The following CNTNAP2 variants were observed in gnomAD, a reference collection of about 807,000 sequenced individuals.
The protein encoded by CNTNAP2 is contactin associated protein 2.
Under a neutral mutation model 155.2 loss-of-function variants are expected in CNTNAP2, and 98 were observed. The observed-to-expected ratio is 0.63, with a 90% CI of 0.54 to 0.75. CNTNAP2 has a LOEUF of 0.75. CNTNAP2 is among the 30% of genes least tolerant of loss of function. The pLI, the probability that CNTNAP2 is intolerant of heterozygous loss-of-function variation, is 0.00. For missense variants in CNTNAP2, 1,727 were observed against 1,688.1 expected, an observed-to-expected ratio of 1.02 and a Z score of -0.40; for synonymous variants, 651 against 631.2, an observed-to-expected ratio of 1.03 and a Z score of -0.47.
rs770913567 is a variant in CNTNAP2 at position 148,346,500 on chromosome 7, G to A, written c.3476-37149G>A. ...TGAAAGTAATGCTTAGGCCGGGTGC[G>A]GTGGCTCATGCCTTTAATCCCAGCA... On this transcript the variant is annotated intron_variant, in intron 21 of 23. Coordinates refer to ENST00000361727, the MANE Select transcript of CNTNAP2 (RefSeq NM_014141.6). Among the ~76,000 whole-genome samples, 7 of 152,272 alleles carry A rather than the reference G, an allele frequency of 4.6e-5. No individual in the cohort carries two copies. The South Asian group carries it at 1.0e-3, about 23-fold the overall frequency.
chr7:147,139,559 C>T (rs191722332), intron 8 of CNTNAP2, among the ~76,000 whole-genome samples: 12 of 152,102 alleles, frequency 7.9e-5, no homozygotes, highest in Non-Finnish European at 1.3e-4. Context: ...TTAACTTGAC[C>T]AGGAAATTCA....
At chr7:147,990,480 T>C (rs1210596732) in intron 15 of CNTNAP2, among the ~76,000 whole-genome samples, 1 of 151,952 alleles carries the variant, frequency 6.6e-6, no homozygotes, top group Non-Finnish European at 1.5e-5. Flanking sequence ...TTGAAATGTC[T>C]CTGGTTGGAG....
chr7:146,331,581 A>G (rs1280213041), intron 1 of CNTNAP2, among the ~76,000 whole-genome samples: 2 of 151,774 alleles, frequency 1.3e-5, no homozygotes, highest in African/African-American at 4.8e-5. Context: ...TTGTTGTGGG[A>G]TGGTGGGTTC....
At chr7:147,162,865 C>CA (rs1316661352) in intron 8 of CNTNAP2, among the ~76,000 whole-genome samples, 1 of 152,210 alleles carries the variant, frequency 6.6e-6, no homozygotes, top group African/African-American at 2.4e-5. Context: ...TACACATGCA[C>CA]AGTGACTTCT....
chr7:147,828,240 G>T (rs970319097), intron 13 of CNTNAP2, among the ~76,000 whole-genome samples: 2 of 152,182 alleles, frequency 1.3e-5, no homozygotes, highest in Non-Finnish European at 1.5e-5. Flanking sequence ...CAGAACCAGG[G>T]CATTGAAGCC....
At chr7:146,261,351 A>G (rs138443991) in intron 1 of CNTNAP2, among the ~76,000 whole-genome samples, 1 of 151,936 alleles carries the variant, frequency 6.6e-6, no homozygotes, top group Non-Finnish European at 1.5e-5. Flanking sequence ...CAATTTTTCT[A>G]TGTGTAACTC....
intron 4 of CNTNAP2, among the ~76,000 whole-genome samples, chr7:147,097,068 C>G (rs1422727129): frequency 1.3e-5 from 2 of 152,116 alleles, no homozygotes; most frequent in African/African-American, 4.8e-5. Flanking sequence ...ATATGCATAA[C>G]CTCAAAAGAT....
intron 8 of CNTNAP2, among the ~76,000 whole-genome samples, chr7:147,182,131 A>G (rs1354273951): frequency 1.5e-4 from 23 of 150,732 alleles, no homozygotes; most frequent in African/African-American, 5.6e-4. Flanking sequence ...ATCTCAAAAA[A>G]AAAAAAAAAA....
At chr7:148,102,377 A>G (rs117243260) in intron 15 of CNTNAP2, among the ~76,000 whole-genome samples, 1 of 152,144 alleles carries the variant, frequency 6.6e-6, no homozygotes, top group Admixed American at 6.6e-5. Context: ...TCTGCTACTG[A>G]TGGACATTTA....
intron 10 of CNTNAP2, among the ~76,000 whole-genome samples, chr7:147,419,466 G>A (rs144586970): frequency 6.6e-6 from 1 of 152,092 alleles, no homozygotes; most frequent in East Asian, 1.9e-4. Context: ...AAAAAAATGA[G>A]CTCTATGTTC....
intron 10 of CNTNAP2, among the ~76,000 whole-genome samples, chr7:147,465,627 C>T (rs1798107726): frequency 6.6e-6 from 1 of 152,184 alleles, no homozygotes; most frequent in Non-Finnish European, 1.5e-5. Context: ...TTTCAGCAGA[C>T]GCTAATTCTT....
rs142984073 is a variant in CNTNAP2, at chr7:147,108,277, C to T, written c.681C>T (p.His227=). 3,382 of 1,613,666 alleles carry T rather than the reference C, an allele frequency of 2.1e-3. 10 individuals are homozygous for T. The highest frequency in any genetic ancestry group is 4.0e-3 in the Admixed American group (241 of 59,962). The part of the protein sequence containing the change: ...KTSESEGVIL[H]GEGQQGDYIT... ...CTGAAAGTGAAGGAGTAATCCTGCACGGAGAAGGACAGCAAGGAGATTACA... is the reference window on the plus strand; with the variant it reads ...CTGAAAGTGAAGGAGTAATCCTGCATGGAGAAGGACAGCAAGGAGATTACA... The change falls in exon 5 of 24, where the codon CAC becomes CAT. Residue 227 remains histidine, a synonymous_variant. Coordinates refer to ENST00000361727, the MANE Select transcript of CNTNAP2 (RefSeq NM_014141.6).
At chr7:147,972,643 G>C (rs1801353705) in intron 14 of CNTNAP2, among the ~76,000 whole-genome samples, 1 of 152,196 alleles carries the variant, frequency 6.6e-6, no homozygotes, top group African/African-American at 2.4e-5. Context: ...GAAATAGCAT[G>C]TAAGAGTCTT....
At chr7:146,245,639 A>T (rs1799635085) in intron 1 of CNTNAP2, among the ~76,000 whole-genome samples, 1 of 152,058 alleles carries the variant, frequency 6.6e-6, no homozygotes, top group South Asian at 2.1e-4. Flanking sequence ...GATTAATCGG[A>T]TACGATCAGC....
At chr7:147,086,175 G>A (rs183819997) in intron 4 of CNTNAP2, among the ~76,000 whole-genome samples, 6 of 152,106 alleles carry the variant, frequency 3.9e-5, no homozygotes, top group Admixed American at 3.3e-4. Context: ...TGTGAACGTA[G>A]TGAAAATACA....
At chr7:148,195,869 C>G (rs1795268206) in intron 18 of CNTNAP2, among the ~76,000 whole-genome samples, 1 of 151,908 alleles carries the variant, frequency 6.6e-6, no homozygotes, top group African/African-American at 2.4e-5. Flanking sequence ...AGCAATTGAA[C>G]CACAATAAAG....
rs1798373512 is a variant in CNTNAP2, at chr7:148,349,114, A to G, written c.3476-34535A>G. Among the ~76,000 whole-genome samples, 7 of 152,346 alleles carry G rather than the reference A, an allele frequency of 4.6e-5. No homozygotes were observed. The South Asian group carries it at 1.5e-3, about 32-fold the overall frequency. On this transcript the variant is annotated intron_variant, in intron 21 of 23. Coordinates refer to ENST00000361727, the MANE Select transcript of CNTNAP2 (RefSeq NM_014141.6). ...TTGCTGGTGAGAAAAAAATAAATAAATAAAACAGCAAACAAGAACAAACAA... is the reference window on the plus strand; with the variant it reads ...TTGCTGGTGAGAAAAAAATAAATAAGTAAAACAGCAAACAAGAACAAACAA...
chr7:147,563,515 G>A (rs1168084532), intron 12 of CNTNAP2, among the ~76,000 whole-genome samples: 2 of 151,956 alleles, frequency 1.3e-5, no homozygotes, highest in Non-Finnish European at 2.9e-5. Flanking sequence ...TGTAGTCCCA[G>A]CTACTCAGGA....
chr7:146,334,578 T>C (rs530790853), intron 1 of CNTNAP2, among the ~76,000 whole-genome samples: 2 of 81,960 alleles, frequency 2.4e-5, no homozygotes, highest in East Asian at 8.6e-4. Flanking sequence ...TTATGAATTG[T>C]ATGCATGCCA....
Sources: allele counts gnomAD v4.1 joint callset (sites outside exome capture counted in the v4.1 genomes callset), GRCh38; gene constraint gnomAD v4.1.1; transcripts MANE v1.5; gene names NCBI Gene and HGNC (gene_info 2026-07-23, HGNC 2026-07-21).